Variants in TFPI observed in about 807,000 individuals in gnomAD.
The protein encoded by TFPI is tissue factor pathway inhibitor, also known as anti-convertin.
In TFPI, 15 loss-of-function variants were observed where a neutral mutation model predicts 34.6. That is an observed-to-expected ratio of 0.43 (90% CI 0.29 to 0.67). The LOEUF (loss-of-function observed/expected upper bound fraction) is 0.67. Among genes scored for constraint, TFPI ranks in the 30% least tolerant of loss-of-function variants. The pLI is 0.15. For missense variants in TFPI, 301 were observed against 364.0 expected (o/e 0.83, Z 1.41); for synonymous variants, 105 against 120.1 (o/e 0.87, Z 0.82).
At chr2:187,541,700 T>A (rs1688592560) in intron 1 of TFPI, among the ~76,000 whole-genome samples, 1 of 152,168 alleles carries the variant, frequency 6.6e-6, no homozygotes, top group Non-Finnish European at 1.5e-5. Context: ...TTTACAAATA[T>A]TAACTCATGT....
chr2:187,536,916 C>A (rs1332587052), intron 1 of TFPI, among the ~76,000 whole-genome samples: 2 of 151,334 alleles, frequency 1.3e-5, no homozygotes, highest in Non-Finnish European at 3.0e-5. Flanking sequence ...TGTGAAAAAA[C>A]CACAAGCATT....
intron 1 of TFPI, among the ~76,000 whole-genome samples, chr2:187,548,672 T>C (rs1271077597): frequency 6.6e-6 from 1 of 152,050 alleles, no homozygotes; most frequent in Non-Finnish European, 1.5e-5. Flanking sequence ...GAGAGTAATA[T>C]TGACAGAATA....
chr2:187,510,054 C>A (rs1686514028), intron 1 of TFPI, among the ~76,000 whole-genome samples: 1 of 152,164 alleles, frequency 6.6e-6, no homozygotes, highest in Non-Finnish European at 1.5e-5. Context: ...TTCAAGTTAG[C>A]CAATCAAGTT....
In TFPI at chr2:187,466,991, CTTTT is replaced by C. The variant is rs777422100; in HGVS notation, c.856_859del (p.Lys286GlufsTer6). On this transcript the variant is annotated frameshift_variant, in exon 8 of 8. Coordinates refer to ENST00000233156, the MANE Select transcript of TFPI (RefSeq NM_006287.6). LOFTEE classifies it low-confidence loss of function (END_TRUNC). ...TGCTATTTTCACTCTCTGCTTCTTT[CTTTT>C]TCTTTTGGTTTTAATTAGGCCTCCT... The C allele has an allele frequency of 6.3e-7, 1 of 1,590,108 alleles. No individual in the cohort carries two copies. The highest frequency in any genetic ancestry group is 2.3e-5 in the East Asian group (1 of 43,662).
chr2:187,507,304 A>C (rs997603237), intron 1 of TFPI, among the ~76,000 whole-genome samples: 2 of 152,158 alleles, frequency 1.3e-5, no homozygotes, highest in African/African-American at 4.8e-5. Context: ...TATACAGTCT[A>C]TCATTGATAG....
chr2:187,511,134 C>T (rs769048400), intron 1 of TFPI, among the ~76,000 whole-genome samples: 4 of 152,116 alleles, frequency 2.6e-5, no homozygotes, highest in Admixed American at 1.3e-4. Context: ...GAGCAGTGCA[C>T]GGCAGGCCCC....
intron 1 of TFPI, among the ~76,000 whole-genome samples, chr2:187,527,950 C>T (rs562722848): frequency 0.033 from 5,055 of 151,990 alleles, 135 homozygotes; most frequent in Middle Eastern, 0.13. Context: ...ACTACATTAT[C>T]CCAGAACATC....
In TFPI at chr2:187,466,102, G is replaced by A. The variant is rs1439453362; in HGVS notation, c.*834C>T. 6.6e-6 allele frequency: 1 copy of A among 152,076 alleles called. No individual in the cohort carries two copies. The highest frequency in any genetic ancestry group is 1.5e-5 in the Non-Finnish European group (1 of 68,008). 9.4% of individuals were successfully genotyped at this position (152,076 alleles called of 1,614,324 possible). Reference sequence around the variant, plus strand: ...ATGATAACTGAATAGATTTCAGAAGGTTTAAATATTTTTGTTATTTTTAGT... The same window carrying A: ...ATGATAACTGAATAGATTTCAGAAGATTTAAATATTTTTGTTATTTTTAGT... On this transcript the variant is annotated 3_prime_UTR_variant, in exon 8 of 8. Coordinates refer to ENST00000233156, the MANE Select transcript of TFPI (RefSeq NM_006287.6).
At chr2:187,526,750 T>A (rs933910279) in intron 1 of TFPI, 20 of 152,194 alleles carry the variant, frequency 1.3e-4, no homozygotes, top group Non-Finnish European at 1.5e-4. Context: ...TTTTCTTTTT[T>A]AAAGTTTTAC....
At chr2:187,468,881 T>C (rs1691872577) in intron 6 of TFPI, among the ~76,000 whole-genome samples, 1 of 152,094 alleles carries the variant, frequency 6.6e-6, no homozygotes, top group Non-Finnish European at 1.5e-5. Context: ...CTTTAATGGC[T>C]TTGTCAAATG....
At chr2:187,472,066 A>C (rs182124756) in intron 6 of TFPI, among the ~76,000 whole-genome samples, 1 of 152,210 alleles carries the variant, frequency 6.6e-6, no homozygotes, top group Admixed American at 6.5e-5. Flanking sequence ...AAGTATAACA[A>C]ATGTAAAACA....
At chr2:187,470,649 A>C (rs545045645) in intron 6 of TFPI, among the ~76,000 whole-genome samples, 41 of 152,298 alleles carry the variant, frequency 2.7e-4, no homozygotes, top group African/African-American at 7.5e-4. Context: ...CCATTTACCA[A>C]ATCCTTTCAG....
At chr2:187,487,308 A>C (rs1251279437) in intron 4 of TFPI, among the ~76,000 whole-genome samples, 1 of 148,080 alleles carries the variant, frequency 6.8e-6, no homozygotes, top group African/African-American at 2.5e-5. Flanking sequence ...TTTAATATTT[A>C]TAGGAATCTA....
At chr2:187,467,078 A>T in intron 7 of TFPI, 36 bp from the exon 8 acceptor site, 4 of 1,260,364 alleles carry the variant, frequency 3.2e-6, no homozygotes, top group Non-Finnish European at 4.5e-6. Context: ...ATGTGTGATA[A>T]AATAACACAA....
chr2:187,484,502 CTGTT>C, intron 5 of TFPI: 1 of 489,806 alleles, frequency 2.0e-6, no homozygotes, highest in Non-Finnish European at 3.5e-6. Context: ...TTTTCAGTAA[CTGTT>C]TGCTCTCATA....
In TFPI at chr2:187,507,050, C is replaced by T. The variant is rs975733195; in HGVS notation, c.-2-3280G>A. ...ATTAGGTATTTCTCCTAATGCTATC[C>T]CTCCCCTAGCCTCCCACCCCCTGAC... On this transcript the variant is annotated intron_variant, in intron 1 of 7. Transcript: ENST00000233156. 3.9e-5 allele frequency among the ~76,000 whole-genome samples: 6 copies of T among 152,134 alleles called. 1 individual carries two copies. The South Asian group carries it at 1.2e-3, about 32-fold the overall frequency.
At chr2:187,509,430 G>C (rs184879432) in intron 1 of TFPI, among the ~76,000 whole-genome samples, 7 of 152,140 alleles carry the variant, frequency 4.6e-5, no homozygotes, top group African/African-American at 1.7e-4. Flanking sequence ...TCTGATCCTG[G>C]GCTTTTTTTG....
At chr2:187,484,537 T>A in intron 5 of TFPI, 1 of 478,636 alleles carries the variant, frequency 2.1e-6, no homozygotes, top group Non-Finnish European at 3.6e-6. Context: ...TGTGAAAGAT[T>A]TCAGCAATTC....
At chr2:187,509,152 G>A (rs1686443356) in intron 1 of TFPI, among the ~76,000 whole-genome samples, 1 of 152,172 alleles carries the variant, frequency 6.6e-6, no homozygotes, top group Non-Finnish European at 1.5e-5. Flanking sequence ...AAGCCGACTT[G>A]ATCGTGGTGG....
Sources: allele counts gnomAD v4.1 joint callset (sites outside exome capture counted in the v4.1 genomes callset), GRCh38; gene constraint gnomAD v4.1.1; transcripts MANE v1.5; gene names NCBI Gene and HGNC (gene_info 2026-07-23, HGNC 2026-07-21).